COL6A1: variants seen among roughly 807,000 people sequenced by gnomAD.
The protein encoded by COL6A1 is collagen alpha-1(VI) chain.
In COL6A1, 80 loss-of-function variants were observed where a neutral mutation model predicts 145.6. The ratio of observed to expected loss-of-function variants is 0.55; its 90% CI spans 0.46 to 0.66. The LOEUF is 0.66. Among genes scored for constraint, COL6A1 ranks in the 30% least tolerant of loss-of-function variants. The pLI, the probability that COL6A1 is intolerant of heterozygous loss-of-function variation, is 0.00. For synonymous variants in COL6A1, 638 were observed against 622.8 expected (o/e 1.02, Z -0.36); for missense variants, 1,364 against 1,473.8 (o/e 0.93, Z 1.22).
chr21:45,982,060 C>G (rs2077710276), intron 1 of COL6A1, 113 bp downstream of exon 1: 17 of 871,990 alleles, frequency 1.9e-5, no homozygotes, highest in Non-Finnish European at 3.1e-5. Context: ...GGGCCTGGAG[C>G]CCCTGAACCC....
In COL6A1 at chr21:46,001,245, GC is replaced by G. The variant is rs1452173558; in HGVS notation, c.1823-6del. The G allele has an allele frequency of 6.2e-7, 1 of 1,603,844 alleles. No individual in the cohort carries two copies. Among genetic ancestry groups the G allele is most frequent in the Non-Finnish European group, 8.5e-7 (1 of 1,178,684 alleles). ...GGCGTGCTCTGCTGACACCGCCCCC[GC>G]CTGCAGAATGCAAGTGCGGCCCCAT... On this transcript the variant is annotated splice_polypyrimidine_tract_variant and splice_region_variant and intron_variant, in intron 29 of 34. Transcript: ENST00000361866.
chr21:45,987,765 CGGGGGTCCAGATGGAGGGGACGGCG>C (rs2077748362), intron 8 of COL6A1, 111 bp downstream of exon 8: 17 of 1,129,896 alleles, frequency 1.5e-5, no homozygotes, highest in African/African-American at 5.0e-5. Flanking sequence ...GAGGGGACGG[CGGGGGTCCAGATGGAGGGGACGGCG>C]GGGGTCCAGA....
Position 46,001,301 on chromosome 21 carries a change from A to G in COL6A1, c.1871A>G (p.Glu624Gly), listed in dbSNP as rs140770145. Residue 624 changes from glutamate to glycine, a missense_variant, in exon 30 of 35, where the codon GAG becomes GGG. Physicochemically the swap from Glu to Gly is moderately conservative, Grantham distance 98. Transcript: ENST00000361866. ...IDLLFVLDSS[E>G]SIGLQNFEIA... is the part of the protein sequence containing the mutation. ...CTCCTGTTCGTGCTGGACAGCTCAG[A>G]GAGCATTGGCCTGCAGAACTTCGAG... 3.1e-6 allele frequency: 5 copies of G among 1,612,538 alleles called. No homozygotes were observed. The highest frequency in any genetic ancestry group is 4.2e-6 in the Non-Finnish European group (5 of 1,179,900).
rs1393872151 is a variant in COL6A1 at position 45,998,947 on chromosome 21, C to T, written c.1662C>T (p.Asp554=). 5.8e-6 allele frequency: 9 copies of T among 1,554,500 alleles called. No individual in the cohort carries two copies. The highest frequency in any genetic ancestry group is 6.1e-6 in the Non-Finnish European group (7 of 1,148,488). ...AGGGGGACGAGGGAGAAGCCGGGGACCCCGGAGACGATGTAAGTGTGGATG... is the reference window on the plus strand; with the variant it reads ...AGGGGGACGAGGGAGAAGCCGGGGATCCCGGAGACGATGTAAGTGTGGATG... ...GLKGDEGEAG[D]PGDDNNDIAP... is the part of the protein sequence containing the mutation. Residue 554 remains aspartate, a synonymous_variant, in exon 25 of 35, where the codon GAC becomes GAT. Coordinates refer to ENST00000361866, the MANE Select transcript of COL6A1 (RefSeq NM_001848.3).
rs1443671437 is a variant in COL6A1 at position 45,982,683 on chromosome 21, C to A, written c.147C>A (p.Ala49=). 4.3e-6 allele frequency: 7 copies of A among 1,612,884 alleles called. No homozygotes were observed. In the South Asian group the frequency reaches 7.7e-5, roughly 18 times the overall value. ...FFVLDTSESV[A]LRLKPYGALV... is the part of the protein sequence containing the mutation. Reference sequence around the variant, plus strand: ...TGCTGGACACCTCTGAGAGCGTGGCCCTGAGGCTGAAGCCCTACGGGGCCC... The same window carrying A: ...TGCTGGACACCTCTGAGAGCGTGGCACTGAGGCTGAAGCCCTACGGGGCCC... The change falls in exon 2 of 35, where the codon GCC becomes GCA. Residue 49 remains alanine, a synonymous_variant. Coordinates refer to ENST00000361866, the MANE Select transcript of COL6A1 (RefSeq NM_001848.3).
chr21:46,002,068 G>A lies in COL6A1; in HGVS notation c.2064G>A (p.Lys688=), dbSNP rs1420010492. ...GCATCCGGAACGTGCAGGAGCTCAA[G>A]GAGTGAGTGCCCCACGCGGCCAGGA... The part of the protein sequence containing the change: ...SPSIRNVQEL[K]EAIKSLQWMA... The change falls in exon 31 of 35, where the codon AAG becomes AAA. Residue 688 remains lysine, a splice_region_variant and synonymous_variant. Transcript: ENST00000361866. 2.5e-6 allele frequency: 4 copies of A among 1,610,602 alleles called. No individual in the cohort carries two copies. Among genetic ancestry groups the A allele is most frequent in the Non-Finnish European group, 3.4e-6 (4 of 1,179,292 alleles).
intron 3 of COL6A1, among the ~76,000 whole-genome samples, 191 bp from the exon 4 acceptor site, chr21:45,986,335 A>G (rs531753512): frequency 6.6e-6 from 1 of 152,268 alleles, no homozygotes; most frequent in South Asian, 2.1e-4. Flanking sequence ...AGCAGTTTAG[A>G]GAAATGAGAC....
In COL6A1 at chr21:45,989,154, G is replaced by A. The variant is rs1569518087; in HGVS notation, c.858+17G>A. ...GGAGATCCTGTGAGTGCCTGACTGT[G>A]GGGTGGGGGCCCTAAGAAGCTGGAG... On this transcript the variant is annotated intron_variant, in intron 9 of 34. Coordinates refer to ENST00000361866, the MANE Select transcript of COL6A1 (RefSeq NM_001848.3). 1.3e-6 allele frequency: 2 copies of A among 1,589,514 alleles called. No individual in the cohort carries two copies. Among genetic ancestry groups the A allele is most frequent in the Non-Finnish European group, 8.5e-7 (1 of 1,170,814 alleles).
intron 2 of COL6A1, among the ~76,000 whole-genome samples, chr21:45,983,090 G>A (rs1191377557): frequency 1.3e-5 from 2 of 152,210 alleles, no homozygotes. Context: ...GGCTGACCGA[G>A]AGGGCTCAGC....
At chr21:45,995,865 G>A (rs2077802112) in intron 20 of COL6A1, among the ~76,000 whole-genome samples, 1 of 152,226 alleles carries the variant, frequency 6.6e-6, no homozygotes, top group Non-Finnish European at 1.5e-5. Flanking sequence ...CGGGGCCCGG[G>A]GGTGTGGATA....
In COL6A1 at chr21:46,004,267, C is replaced by T; in HGVS notation, c.*254C>T. Reference sequence around the variant, plus strand: ...TGAGCTAGTGTCACCTGCACAGGGCCCTCTGAGGCTCAGCCCTGAGCTGGC... The same window carrying T: ...TGAGCTAGTGTCACCTGCACAGGGCTCTCTGAGGCTCAGCCCTGAGCTGGC... On this transcript the variant is annotated 3_prime_UTR_variant, in exon 35 of 35. Transcript: ENST00000361866. The T allele has an allele frequency of 5.2e-6, 3 of 577,254 alleles. No individual in the cohort carries two copies. Among genetic ancestry groups the T allele is most frequent in the Non-Finnish European group, 9.2e-6 (3 of 325,838 alleles). The allele number at this position is 577,254 out of a possible 1,614,324, so 35.8% of individuals were successfully genotyped here. A position where few individuals can be genotyped will look rare whatever the true frequency, so the allele number is the denominator to read the frequency against.
At chr21:46,002,174 G>A in intron 31 of COL6A1, 44 bp from the exon 32 acceptor site, 1 of 1,573,398 alleles carries the variant, frequency 6.4e-7, no homozygotes, top group Non-Finnish European at 8.6e-7. Context: ...CGGCCCCGCG[G>A]CAGGCCTGGC....
intron 18 of COL6A1, 52 bp from the exon 19 acceptor site, chr21:45,992,696 G>C: frequency 6.5e-7 from 1 of 1,528,412 alleles, no homozygotes; most frequent in South Asian, 1.2e-5. Flanking sequence ...CACCCCAGCT[G>C]GGTGTGAGTT....
At chr21:45,998,520 A>C in intron 24 of COL6A1, 87 bp downstream of exon 24, 1 of 1,570,020 alleles carries the variant, frequency 6.4e-7, no homozygotes, top group Admixed American at 1.7e-5. Flanking sequence ...ACATGTGCAC[A>C]CAGGCTCCCG....
At chr21:45,991,611 G>A (rs1190049319) in intron 15 of COL6A1, among the ~76,000 whole-genome samples, 3 of 152,150 alleles carry the variant, frequency 2.0e-5, no homozygotes, top group African/African-American at 7.2e-5. Flanking sequence ...AAAGGCGAAT[G>A]CTGACCCCAC....
chr21:45,992,908 G>C, intron 19 of COL6A1, 98 bp downstream of exon 19: 1 of 1,082,446 alleles, frequency 9.2e-7, no homozygotes, highest in Non-Finnish European at 1.4e-6. Flanking sequence ...ACATCATGAA[G>C]CCCCTGTGGC....
chr21:45,997,355 A>T, intron 20 of COL6A1, 66 bp from the exon 21 acceptor site: 1 of 1,471,540 alleles, frequency 6.8e-7, no homozygotes, highest in Non-Finnish European at 9.5e-7. Context: ...CCCTCAGCTT[A>T]GGGTCAGGGA....
At chr21:46,002,128 G>A (rs1327054044) in intron 31 of COL6A1, 58 bp downstream of exon 31, 19 of 1,577,130 alleles carry the variant, frequency 1.2e-5, no homozygotes, top group African/African-American at 8.1e-5. Flanking sequence ...CTGTTCCCAC[G>A]GCAGGTCGGC....
intron 30 of COL6A1, 54 bp from the exon 31 acceptor site, chr21:46,001,907 C>G: frequency 6.6e-7 from 1 of 1,513,942 alleles, no homozygotes; most frequent in Non-Finnish European, 9.1e-7. Context: ...CCTTGGGAAG[C>G]TTATGCGGAC....
Sources: allele counts gnomAD v4.1 joint callset (sites outside exome capture counted in the v4.1 genomes callset), GRCh38; gene constraint gnomAD v4.1.1; transcripts MANE v1.5; gene names NCBI Gene and HGNC (gene_info 2026-07-23, HGNC 2026-07-21).